The following SAMD12 variants were observed in gnomAD, a reference collection of about 807,000 sequenced individuals.
SAMD12 encodes sterile alpha motif domain containing 12.
A neutral mutation model predicts 15.0 loss-of-function variants in SAMD12; 9 were observed. The ratio of observed to expected loss-of-function variants is 0.60; its 90% CI spans 0.36 to 1.05. The LOEUF is 1.05. Among genes scored for constraint, SAMD12 ranks in the 50% least tolerant of loss-of-function variants. The pLI, the probability that SAMD12 is intolerant of heterozygous loss-of-function variation, is 0.01. For missense variants in SAMD12, 230 were observed against 234.2 expected (o/e 0.98, Z 0.12); for synonymous variants, 86 against 90.1 (o/e 0.96, Z 0.25).
intron 2 of SAMD12, among the ~76,000 whole-genome samples, chr8:118,500,634 C>A (rs549240915): frequency 6.6e-6 from 1 of 151,832 alleles, no homozygotes; most frequent in Non-Finnish European, 1.5e-5. Flanking sequence ...ATTGAAACAC[C>A]GTCTCTACTA....
chr8:118,313,951 A>C (rs1815755667), intron 4 of SAMD12, among the ~76,000 whole-genome samples: 1 of 151,852 alleles, frequency 6.6e-6, no homozygotes, highest in Non-Finnish European at 1.5e-5. Context: ...GCTGATGAAT[A>C]ATTCTGAATT....
chr8:118,470,717 G>A (rs948098272), intron 2 of SAMD12, among the ~76,000 whole-genome samples: 1 of 152,142 alleles, frequency 6.6e-6, no homozygotes, highest in Admixed American at 6.5e-5. Flanking sequence ...GTCTCACATA[G>A]ATAAGGCACA....
At chr8:118,246,236 C>T (rs1222042941) in intron 4 of SAMD12, among the ~76,000 whole-genome samples, 1 of 152,116 alleles carries the variant, frequency 6.6e-6, no homozygotes, top group African/African-American at 2.4e-5. Flanking sequence ...AGGACTTGAA[C>T]TTTCCAGCCA....
At position 118,461,510 on chromosome 8, in the gene SAMD12, G is replaced by A. The variant is rs117392549; in HGVS notation, c.193-21549C>T. Among the ~76,000 whole-genome samples the A allele has an allele frequency of 1.7e-4, 26 of 152,112 alleles. No individual in the cohort carries two copies. In the East Asian group the frequency reaches 5.0e-3, roughly 29 times the overall value. ...CCCAATTCCGTTCTTCTCAGCAGAG[G>A]TAGCAACTATCATGACTTTGAGGTA... On this transcript the variant is annotated intron_variant, in intron 2 of 3. Transcript: ENST00000314727.
intron 3 of SAMD12, among the ~76,000 whole-genome samples, chr8:118,398,013 T>A (rs1820670152): frequency 6.6e-6 from 1 of 152,192 alleles, no homozygotes. Context: ...AATCTCAAAC[T>A]CCTGGGCTCA....
the SAMD12 span, among the ~76,000 whole-genome samples, chr8:118,151,171 TGA>T: frequency 6.6e-6 from 1 of 152,202 alleles, no homozygotes; most frequent in South Asian, 2.1e-4. Flanking sequence ...CTCTTTTGTA[TGA>T]GTCTTTTTTT....
intron 4 of SAMD12, among the ~76,000 whole-genome samples, chr8:118,229,216 C>A (rs1272038626): frequency 2.0e-5 from 3 of 152,014 alleles, no homozygotes; most frequent in African/African-American, 7.3e-5. Context: ...GCGCCAAAAT[C>A]ACAAATCACC....
At chr8:118,584,842 C>T (rs1186751382) in intron 1 of SAMD12, among the ~76,000 whole-genome samples, 2 of 151,550 alleles carry the variant, frequency 1.3e-5, no homozygotes, top group Non-Finnish European at 2.9e-5. Context: ...TGATACACCC[C>T]CTGTGGGAAA....
At chr8:118,576,398 G>T (rs1400722501) in intron 2 of SAMD12, among the ~76,000 whole-genome samples, 1 of 152,176 alleles carries the variant, frequency 6.6e-6, no homozygotes, top group Non-Finnish European at 1.5e-5. Flanking sequence ...CCAGCCTATT[G>T]TTCCAGACTC....
chr8:118,578,712 A>G (rs16891211), intron 2 of SAMD12, among the ~76,000 whole-genome samples: 3,150 of 152,296 alleles, frequency 0.021, 105 homozygotes, highest in African/African-American at 0.071. Flanking sequence ...ATCACACTGT[A>G]GTAATTTTAA....
chr8:118,237,127 C>T (rs1812454976), intron 4 of SAMD12, among the ~76,000 whole-genome samples: 1 of 152,138 alleles, frequency 6.6e-6, no homozygotes, highest in South Asian at 2.1e-4. Context: ...CCATTCAATC[C>T]TTGCAACAAT....
intron 1 of SAMD12, among the ~76,000 whole-genome samples, chr8:118,599,237 A>G (rs2514591): frequency 0.88 from 133,773 of 152,164 alleles, 58,933 homozygotes; most frequent in Middle Eastern, 0.96. Flanking sequence ...GAGATGCAAC[A>G]TGTCCAGGTT....
intron 3 of SAMD12, among the ~76,000 whole-genome samples, chr8:118,426,576 A>G (rs1472161653): frequency 1.3e-5 from 2 of 152,170 alleles, no homozygotes; most frequent in East Asian, 3.9e-4. Flanking sequence ...TAGTAAGAAT[A>G]TTCCTTCTAG....
chr8:118,221,224 G>T (rs1812075663), intron 4 of SAMD12, among the ~76,000 whole-genome samples: 1 of 152,112 alleles, frequency 6.6e-6, no homozygotes, highest in African/African-American at 2.4e-5. Flanking sequence ...CCCAAAAGTG[G>T]TTCAAAATCT....
chr8:118,380,173 C>G (rs2130713870), intron 3 of SAMD12, among the ~76,000 whole-genome samples: 1 of 152,232 alleles, frequency 6.6e-6, no homozygotes, highest in Non-Finnish European at 1.5e-5. Context: ...ATGTGTAACA[C>G]AGGATATAAT....
At chr8:118,530,094 T>G (rs1362643631) in intron 2 of SAMD12, among the ~76,000 whole-genome samples, 6 of 152,194 alleles carry the variant, frequency 3.9e-5, no homozygotes, top group African/African-American at 1.4e-4. Context: ...GGTAACTAAT[T>G]GTGGTTTTAA....
At chr8:118,523,650 T>A (rs1825452714) in intron 2 of SAMD12, among the ~76,000 whole-genome samples, 1 of 152,150 alleles carries the variant, frequency 6.6e-6, no homozygotes, top group Non-Finnish European at 1.5e-5. Context: ...GGTCACAGAA[T>A]AATCCACAAC....
At chr8:118,131,976 C>T in the SAMD12 span, among the ~76,000 whole-genome samples, 4 of 152,084 alleles carry the variant, frequency 2.6e-5, no homozygotes, top group Non-Finnish European at 5.9e-5. Flanking sequence ...ACCCATTATC[C>T]TATTATAATG....
intron 3 of SAMD12, among the ~76,000 whole-genome samples, chr8:118,417,208 G>A (rs977180227): frequency 2.0e-5 from 3 of 152,046 alleles, no homozygotes; most frequent in Non-Finnish European, 4.4e-5. Context: ...ATCCTCCGGG[G>A]TAGCTAGGAC....
Sources: gnomAD v4.1 joint callset for allele counts (sites outside exome capture counted in the v4.1 genomes callset) on GRCh38, gnomAD v4.1.1 for gene constraint, MANE v1.5 for transcripts, NCBI Gene and HGNC (gene_info 2026-07-23, HGNC 2026-07-21) for gene names.